The following NAALADL2 variants were observed in gnomAD, a reference collection of about 807,000 sequenced individuals.
NAALADL2 encodes N-acetylated alpha-linked acidic dipeptidase like 2.
A neutral mutation model predicts 87.2 loss-of-function variants in NAALADL2; 76 were observed. The observed-to-expected ratio is 0.87, with a 90% CI of 0.72 to 1.05. The LOEUF is 1.05. Ranked by LOEUF, NAALADL2 falls within the 50% of genes least tolerant of loss-of-function variation. The probability of loss-of-function intolerance (pLI) is 0.00; values close to 1 mark genes in which losing one functional copy is unlikely to be tolerated. For missense variants in NAALADL2, 1,089 were observed against 945.8 expected, an observed-to-expected ratio of 1.15 and a Z score of -1.99; for synonymous variants, 354 against 331.0, an observed-to-expected ratio of 1.07 and a Z score of -0.75.
intron 1 of NAALADL2, among the ~76,000 whole-genome samples, chr3:174,510,935 A>G (rs1319212084): frequency 6.6e-6 from 1 of 151,856 alleles, no homozygotes; most frequent in East Asian, 1.9e-4. Context: ...TCTAATTTCT[A>G]TTATAATTCT....
At chr3:175,568,504 G>A (rs1446059518) in intron 9 of NAALADL2, among the ~76,000 whole-genome samples, 1 of 152,150 alleles carries the variant, frequency 6.6e-6, no homozygotes, top group Non-Finnish European at 1.5e-5. Flanking sequence ...TTGTGAGCTG[G>A]ATATATCAAT....
At chr3:174,847,154 A>C (rs1724715449) in intron 3 of NAALADL2, among the ~76,000 whole-genome samples, 1 of 152,220 alleles carries the variant, frequency 6.6e-6, no homozygotes. Context: ...ACCTAAGCAC[A>C]AAAGAATCTT....
At chr3:174,528,494 G>A (rs1268072110) in intron 1 of NAALADL2, among the ~76,000 whole-genome samples, 5 of 152,064 alleles carry the variant, frequency 3.3e-5, no homozygotes, top group African/African-American at 9.7e-5. Context: ...TGGGTGTGAC[G>A]GCATGCACTT....
At position 175,809,811 on chromosome 3, in the gene NAALADL2, G is replaced by A. The variant is rs1755029043; in HGVS notation, c.*6608G>A. 6.6e-6 allele frequency: 1 copy of A among 152,020 alleles called. No individual in the cohort carries two copies. Among genetic ancestry groups the A allele is most frequent in the South Asian group, 2.1e-4 (1 of 4,832 alleles). 9.4% of individuals were successfully genotyped at this position (152,020 alleles called of 1,614,324 possible). On this transcript the variant is annotated 3_prime_UTR_variant, in exon 14 of 14. Transcript: ENST00000454872. ...CATGTATTCAATGTAGCAGCATTTAGATATGTAAGATTTTAGAAGTAAAAT... is the reference window on the plus strand; with the variant it reads ...CATGTATTCAATGTAGCAGCATTTAAATATGTAAGATTTTAGAAGTAAAAT...
intron 12 of NAALADL2, among the ~76,000 whole-genome samples, chr3:175,743,240 A>T (rs1245445698): frequency 6.6e-6 from 1 of 152,108 alleles, no homozygotes. Context: ...ACCTTAGGTG[A>T]TCTGCCCGCC....
intron 10 of NAALADL2, among the ~76,000 whole-genome samples, chr3:175,617,933 T>G (rs1024693561): frequency 2.0e-5 from 3 of 152,146 alleles, no homozygotes; most frequent in Non-Finnish European, 4.4e-5. Flanking sequence ...TCCTCTTCCA[T>G]TCTCCCATTT....
rs542267717 is a variant in NAALADL2, at chr3:174,979,525, T to A, written c.44-117265T>A. 1.1e-4 allele frequency among the ~76,000 whole-genome samples: 16 copies of A among 152,074 alleles called. No homozygotes were observed. The South Asian group carries it at 3.3e-3, about 31-fold the overall frequency. On this transcript the variant is annotated intron_variant, in intron 1 of 13. Coordinates refer to ENST00000454872, the MANE Select transcript of NAALADL2 (RefSeq NM_207015.3). The stretch of plus-strand genomic sequence containing the variant: ...TTTCACCGTGTTAGCCAGGATGGTC[T>A]CCATCTGCTGGCCTCGTGATCCGCC...
At chr3:175,315,786 T>G (rs754769326) in intron 4 of NAALADL2, among the ~76,000 whole-genome samples, 26 of 152,202 alleles carry the variant, frequency 1.7e-4, no homozygotes, top group Non-Finnish European at 3.8e-4. Context: ...TTCTTTATAT[T>G]GTGGCTAAAA....
intron 1 of NAALADL2, among the ~76,000 whole-genome samples, chr3:174,981,829 C>T (rs1745161305): frequency 6.6e-6 from 1 of 152,068 alleles, no homozygotes; most frequent in African/African-American, 2.4e-5. Flanking sequence ...AGATGTGGCC[C>T]TCATCCTCAT....
chr3:175,640,748 AC>A (rs1410971718), intron 11 of NAALADL2, among the ~76,000 whole-genome samples: 61 of 152,340 alleles, frequency 4.0e-4, no homozygotes, highest in African/African-American at 1.3e-3. Context: ...GTATATGCAT[AC>A]CATGTTCTAA....
chr3:175,424,556 ATCATATAGT>A (rs1323273657), intron 5 of NAALADL2, among the ~76,000 whole-genome samples: 11 of 152,252 alleles, frequency 7.2e-5, no homozygotes, highest in Middle Eastern at 3.4e-3. Context: ...TTTGTCAAAG[ATCATATAGT>A]TCATATAGTT....
At chr3:175,639,555 C>T (rs1274228510) in intron 11 of NAALADL2, among the ~76,000 whole-genome samples, 1 of 151,852 alleles carries the variant, frequency 6.6e-6, no homozygotes, top group East Asian at 1.9e-4. Flanking sequence ...CTCCTGACCT[C>T]GTGATCCGCC....
chr3:174,745,667 ATG>A (rs1237958906), intron 3 of NAALADL2, among the ~76,000 whole-genome samples: 1 of 152,198 alleles, frequency 6.6e-6, no homozygotes, highest in Non-Finnish European at 1.5e-5. Context: ...AATATCCCTG[ATG>A]AACATTGATG....
intron 9 of NAALADL2, among the ~76,000 whole-genome samples, chr3:175,556,696 AAAAGT>A (rs1715329849): frequency 6.6e-6 from 1 of 152,194 alleles, no homozygotes; most frequent in African/African-American, 2.4e-5. Flanking sequence ...TATTTTTGAA[AAAAGT>A]CTCATTTCTC....
intron 5 of NAALADL2, among the ~76,000 whole-genome samples, chr3:175,429,269 C>A (rs988654532): frequency 1.4e-4 from 21 of 150,968 alleles, no homozygotes; most frequent in Admixed American, 1.3e-3. Flanking sequence ...CTCAATTTTT[C>A]AGATACGCCC....
chr3:174,983,049 C>T (rs1394870806), intron 1 of NAALADL2, among the ~76,000 whole-genome samples: 3 of 152,150 alleles, frequency 2.0e-5, no homozygotes, highest in Non-Finnish European at 2.9e-5. Context: ...CCGCCTGCCT[C>T]GGCCTCCCAA....
rs1726687176 is a variant in NAALADL2, at chr3:175,624,356, C to T, written c.1801-2935C>T. Among the ~76,000 whole-genome samples, 3 of 151,916 alleles carry T rather than the reference C, an allele frequency of 2.0e-5. No individual in the cohort carries two copies. The South Asian group carries it at 6.2e-4, about 31-fold the overall frequency. ...GATTCTTCTTTTTAGAATAACAGCACAGATTTGGAAGCATTAACAAATACT... is the reference window on the plus strand; with the variant it reads ...GATTCTTCTTTTTAGAATAACAGCATAGATTTGGAAGCATTAACAAATACT... On this transcript the variant is annotated intron_variant, in intron 10 of 13. Transcript: ENST00000454872.
chr3:175,620,074 GAAA>G (rs34788490), intron 10 of NAALADL2, among the ~76,000 whole-genome samples: 2 of 147,588 alleles, frequency 1.4e-5, no homozygotes, highest in Non-Finnish European at 3.0e-5. Context: ...TCTCTTTTTG[GAAA>G]AAAAAAAAAA....
chr3:175,698,327 G>A lies in NAALADL2; in HGVS notation c.1897-38979G>A, dbSNP rs921197741. Among the ~76,000 whole-genome samples the A allele has an allele frequency of 1.0e-3, 61 of 59,674 alleles. 1 individual carries two copies. Among genetic ancestry groups the A allele is most frequent in the South Asian group, 4.1e-3 (7 of 1,698 alleles). 39.1% of individuals were successfully genotyped at this position (59,674 alleles called of 152,430 possible). A position where few individuals can be genotyped will look rare whatever the true frequency, so the allele number is the denominator to read the frequency against. ...TGTGTATATATGTATGTGTATTTATGTATGTGTATATATGTATGTGTATTT... is the reference window on the plus strand; with the variant it reads ...TGTGTATATATGTATGTGTATTTATATATGTGTATATATGTATGTGTATTT... On this transcript the variant is annotated intron_variant, in intron 11 of 13. Transcript: ENST00000454872.
Sources: allele counts gnomAD v4.1 joint callset (sites outside exome capture counted in the v4.1 genomes callset), GRCh38; gene constraint gnomAD v4.1.1; transcripts MANE v1.5; gene names NCBI Gene and HGNC (gene_info 2026-07-23, HGNC 2026-07-21).